Variants in NTM observed in about 807,000 individuals in gnomAD.
NTM encodes IgLON family member 2.
Under a neutral mutation model 42.1 loss-of-function variants are expected in NTM, and 13 were observed. That is an observed-to-expected ratio of 0.31 (90% CI 0.20 to 0.49). The LOEUF (loss-of-function observed/expected upper bound fraction) is 0.49. Ranked by LOEUF, NTM falls within the 20% of genes least tolerant of loss-of-function variation. NTM has a pLI of 0.99. For synonymous variants in NTM, 187 were observed against 179.2 expected (o/e 1.04, Z -0.35); for missense variants, 373 against 452.8 (o/e 0.82, Z 1.60).
At chr11:131,819,585 A>T (rs1035238492) in intron 1 of NTM, among the ~76,000 whole-genome samples, 3 of 152,200 alleles carry the variant, frequency 2.0e-5, no homozygotes, top group African/African-American at 7.2e-5. Context: ...CTGTTGGCAC[A>T]CCAGAGGCAC....
intron 1 of NTM, among the ~76,000 whole-genome samples, chr11:131,656,562 C>A (rs968029753): frequency 6.6e-6 from 1 of 152,210 alleles, no homozygotes; most frequent in Non-Finnish European, 1.5e-5. Context: ...GGCTTGGCTA[C>A]CTGTAGCCTG....
At chr11:132,114,630 T>C (rs957092660) in intron 2 of NTM, among the ~76,000 whole-genome samples, 1 of 152,204 alleles carries the variant, frequency 6.6e-6, no homozygotes, top group African/African-American at 2.4e-5. Context: ...GAGAAGAGTA[T>C]GTGAAATTAA....
chr11:131,992,691 A>G (rs2067249590), intron 2 of NTM, among the ~76,000 whole-genome samples: 1 of 152,186 alleles, frequency 6.6e-6, no homozygotes, highest in East Asian at 1.9e-4. Flanking sequence ...GCCTGAAAAG[A>G]TTGAATACTT....
Position 131,732,998 on chromosome 11 carries a change from AATCT to A in NTM, c.83-178562_83-178559del, listed in dbSNP as rs2079894997. 2.6e-5 allele frequency among the ~76,000 whole-genome samples: 4 copies of A among 152,220 alleles called. No individual in the cohort carries two copies. The South Asian group carries it at 6.2e-4, about 24-fold the overall frequency. ...ACATATAATTAGTATGATGCATAAT[AATCT>A]ATCATATGGATGTGCCATAATTTTT... On this transcript the variant is annotated intron_variant, in intron 1 of 8. Coordinates refer to ENST00000683400, the MANE Select transcript of NTM (RefSeq NM_001352005.2).
At chr11:132,193,618 G>A (rs1282527481) in intron 3 of NTM, among the ~76,000 whole-genome samples, 3 of 151,800 alleles carry the variant, frequency 2.0e-5, no homozygotes, top group East Asian at 1.9e-4. Context: ...TAAAACAAGA[G>A]CAAACCAAAC....
At chr11:131,673,396 A>T (rs1307678109) in intron 1 of NTM, among the ~76,000 whole-genome samples, 3 of 152,214 alleles carry the variant, frequency 2.0e-5, no homozygotes, top group Admixed American at 2.0e-4. Flanking sequence ...CCCCAAAAGG[A>T]TCACAGGGCC....
intron 1 of NTM, among the ~76,000 whole-genome samples, chr11:131,440,117 A>G (rs1367113802): frequency 6.6e-6 from 1 of 151,492 alleles, no homozygotes; most frequent in Non-Finnish European, 1.5e-5. Flanking sequence ...TATATTTTCT[A>G]TATTTTTTGT....
intron 1 of NTM, among the ~76,000 whole-genome samples, chr11:131,516,647 C>G (rs1281029497): frequency 1.3e-5 from 2 of 152,170 alleles, no homozygotes; most frequent in East Asian, 3.9e-4. Flanking sequence ...GCTGAGATTA[C>G]AGGCATGAGC....
chr11:131,577,878 A>C (rs963990283), intron 1 of NTM, among the ~76,000 whole-genome samples: 6 of 152,238 alleles, frequency 3.9e-5, no homozygotes, highest in Admixed American at 2.0e-4. Context: ...AATGTAGTGA[A>C]TTGGTATTTC....
chr11:132,252,338 G>A (rs371897765), intron 4 of NTM, among the ~76,000 whole-genome samples: 1 of 152,220 alleles, frequency 6.6e-6, no homozygotes, highest in African/African-American at 2.4e-5. Flanking sequence ...AATTTGATGA[G>A]CTTGATATAG....
intron 1 of NTM, among the ~76,000 whole-genome samples, chr11:131,726,132 G>A (rs888897329): frequency 1.3e-5 from 2 of 152,180 alleles, no homozygotes; most frequent in Non-Finnish European, 2.9e-5. Flanking sequence ...CATGAGAAAA[G>A]CAGACTGGTT....
At chr11:131,870,349 G>A (rs1476038172) in intron 1 of NTM, among the ~76,000 whole-genome samples, 2 of 152,172 alleles carry the variant, frequency 1.3e-5, no homozygotes, top group Non-Finnish European at 2.9e-5. Flanking sequence ...AAATGAAATA[G>A]CACACTAACT....
chr11:131,971,335 A>T (rs1262272824), intron 2 of NTM, among the ~76,000 whole-genome samples: 3 of 152,010 alleles, frequency 2.0e-5, no homozygotes, highest in Non-Finnish European at 2.9e-5. Flanking sequence ...GAGCTCTTTA[A>T]TTTGTGTGCT....
intron 1 of NTM, among the ~76,000 whole-genome samples, chr11:131,612,576 C>T (rs1294917196): frequency 1.3e-5 from 2 of 152,230 alleles, no homozygotes; most frequent in African/African-American, 4.8e-5. Context: ...GAAATGGATG[C>T]ATATTAGATG....
At chr11:131,513,774 A>G (rs2048546908) in intron 1 of NTM, among the ~76,000 whole-genome samples, 1 of 152,110 alleles carries the variant, frequency 6.6e-6, no homozygotes. Flanking sequence ...ATTTATAAGT[A>G]TTGTTGTGTA....
intron 4 of NTM, among the ~76,000 whole-genome samples, chr11:132,250,481 CCTTT>C (rs2091812311): frequency 6.6e-6 from 1 of 152,010 alleles, no homozygotes; most frequent in Admixed American, 6.6e-5. Flanking sequence ...TCCCCTTTTC[CCTTT>C]CTTCTCTCCT....
intron 1 of NTM, among the ~76,000 whole-genome samples, chr11:131,590,515 T>C (rs182570259): frequency 4.6e-5 from 7 of 152,294 alleles, no homozygotes; most frequent in Admixed American, 3.9e-4. Context: ...TGGTCTCTGG[T>C]GTCCAAGCAA....
intron 1 of NTM, among the ~76,000 whole-genome samples, chr11:131,388,747 C>T (rs1943631588): frequency 6.6e-6 from 1 of 151,792 alleles, no homozygotes; most frequent in Non-Finnish European, 1.5e-5. Flanking sequence ...AGTGGTGGCT[C>T]CTGCCTGTAA....
chr11:131,936,099 C>T (rs1316594395), intron 2 of NTM, among the ~76,000 whole-genome samples: 2 of 152,042 alleles, frequency 1.3e-5, no homozygotes, highest in African/African-American at 4.8e-5. Flanking sequence ...GAGTGATGGT[C>T]GAGAGACAGC....
Sources: gnomAD v4.1 joint callset for allele counts (sites outside exome capture counted in the v4.1 genomes callset) on GRCh38, gnomAD v4.1.1 for gene constraint, MANE v1.5 for transcripts, NCBI Gene and HGNC (gene_info 2026-07-23, HGNC 2026-07-21) for gene names.